Variants in ARL15 observed in about 807,000 individuals in gnomAD.
The protein encoded by ARL15 is ADP-ribosylation factor-like protein 15.
ARL15 carries 19 observed loss-of-function variants against 25.2 expected under a neutral mutation model. The observed-to-expected ratio is 0.75, with a 90% CI of 0.53 to 1.10. The LOEUF is 1.10. Ranked by LOEUF, ARL15 falls within the 50% of genes least tolerant of loss-of-function variation. The probability of loss-of-function intolerance (pLI) is 0.00; values close to 1 mark genes in which losing one functional copy is unlikely to be tolerated. For missense variants in ARL15, 220 were observed against 246.0 expected, an observed-to-expected ratio of 0.89 and a Z score of 0.71; for synonymous variants, 94 against 86.8, an observed-to-expected ratio of 1.08 and a Z score of -0.46.
intron 2 of ARL15, among the ~76,000 whole-genome samples, chr5:54,156,111 A>G (rs934397098): frequency 2.0e-5 from 3 of 152,232 alleles, no homozygotes; most frequent in South Asian, 2.1e-4. Context: ...CTTTATAAAG[A>G]AGGAAATCAT....
At chr5:54,215,311 G>T (rs1428612066) in intron 1 of ARL15, among the ~76,000 whole-genome samples, 2 of 152,014 alleles carry the variant, frequency 1.3e-5, no homozygotes, top group Non-Finnish European at 2.9e-5. Flanking sequence ...ATGACAGGAA[G>T]GCTTTGGTGA....
chr5:54,159,373 T>C (rs1007429558), intron 2 of ARL15, among the ~76,000 whole-genome samples: 6 of 152,156 alleles, frequency 3.9e-5, no homozygotes, highest in Non-Finnish European at 7.4e-5. Context: ...AGGGTGTCAG[T>C]GTGCTAACGT....
At chr5:54,218,619 G>A (rs145820357) in intron 1 of ARL15, among the ~76,000 whole-genome samples, 29 of 152,224 alleles carry the variant, frequency 1.9e-4, no homozygotes, top group African/African-American at 6.3e-4. Context: ...ACCCCTTAGG[G>A]TTTAGTTGGT....
intron 1 of ARL15, among the ~76,000 whole-genome samples, chr5:54,197,136 T>A (rs1389302425): frequency 3.3e-5 from 5 of 152,098 alleles, no homozygotes; most frequent in Admixed American, 3.3e-4. Flanking sequence ...TTTTTTTTAT[T>A]TTTTTACTTG....
At chr5:54,304,720 A>G (rs1758710932) in intron 1 of ARL15, among the ~76,000 whole-genome samples, 1 of 152,238 alleles carries the variant, frequency 6.6e-6, no homozygotes, top group African/African-American at 2.4e-5. Flanking sequence ...AATATTTAAT[A>G]TGACTGCCTA....
intron 2 of ARL15, among the ~76,000 whole-genome samples, chr5:54,163,371 T>G (rs1404742545): frequency 1.2e-5 from 1 of 80,118 alleles, no homozygotes; most frequent in Non-Finnish European, 3.0e-5. Context: ...TTTTTTTTTT[T>G]TTTTTTTTTT....
intron 4 of ARL15, among the ~76,000 whole-genome samples, chr5:54,097,821 C>T (rs1752332323): frequency 1.3e-5 from 2 of 152,166 alleles, no homozygotes; most frequent in Non-Finnish European, 2.9e-5. Flanking sequence ...TCTGATTGTA[C>T]TCTACAGGGA....
At chr5:53,897,087 T>C (rs1398083323) in intron 4 of ARL15, among the ~76,000 whole-genome samples, 1 of 152,228 alleles carries the variant, frequency 6.6e-6, no homozygotes, top group Non-Finnish European at 1.5e-5. Flanking sequence ...CATTTTCTTT[T>C]ACTGATAATT....
chr5:54,168,527 AC>A (rs1754639500), intron 2 of ARL15, among the ~76,000 whole-genome samples: 1 of 151,926 alleles, frequency 6.6e-6, no homozygotes, highest in South Asian at 2.1e-4. Context: ...TAACATCCCC[AC>A]AAGTATTGTC....
rs527289995 is a variant in ARL15, at chr5:53,895,552, T to A, written c.463-8839A>T. ...GGTTTTTGGTGCCCTTGAGGATGGC[T>A]TTTGGTGCACAGCAATACTAGTTAT... On this transcript the variant is annotated intron_variant, in intron 4 of 4. Transcript: ENST00000504924. Among the ~76,000 whole-genome samples the A allele has an allele frequency of 4.7e-3, 723 of 152,266 alleles. 9 individuals carry two copies. The highest frequency in any genetic ancestry group is 0.017 in the African/African-American group (688 of 41,556).
intron 4 of ARL15, among the ~76,000 whole-genome samples, chr5:53,993,803 A>G (rs528290142): frequency 6.6e-6 from 1 of 151,604 alleles, no homozygotes; most frequent in South Asian, 2.1e-4. Flanking sequence ...GGGATTAGGG[A>G]TGGGTGTCTC....
At chr5:53,999,827 G>A (rs1748797004) in intron 4 of ARL15, among the ~76,000 whole-genome samples, 1 of 151,892 alleles carries the variant, frequency 6.6e-6, no homozygotes, top group Non-Finnish European at 1.5e-5. Flanking sequence ...ACCGGGAGGT[G>A]GAGGTTGCAG....
intron 3 of ARL15, among the ~76,000 whole-genome samples, chr5:54,121,765 T>C (rs142194463): frequency 6.6e-6 from 1 of 152,136 alleles, no homozygotes. Context: ...CTAAGTAACA[T>C]GAAAACTCCG....
At chr5:54,014,374 G>C (rs1749343330) in intron 4 of ARL15, among the ~76,000 whole-genome samples, 1 of 150,458 alleles carries the variant, frequency 6.6e-6, no homozygotes, top group Non-Finnish European at 1.5e-5. Context: ...AAGAATGTAA[G>C]GACACCTGAG....
chr5:54,310,333 T>A, intron 1 of ARL15, 99 bp downstream of exon 1: 1 of 1,371,782 alleles, frequency 7.3e-7, no homozygotes, highest in Non-Finnish European at 1.0e-6. Context: ...AGGCATCCTA[T>A]CCCAAAGAAA....
chr5:54,028,290 G>A (rs1749853100), intron 4 of ARL15, among the ~76,000 whole-genome samples: 1 of 152,048 alleles, frequency 6.6e-6, no homozygotes, highest in East Asian at 1.9e-4. Context: ...TTCCATAACT[G>A]CAATCGGTCA....
intron 4 of ARL15, among the ~76,000 whole-genome samples, chr5:54,097,837 C>T (rs534921551): frequency 6.6e-6 from 1 of 152,294 alleles, no homozygotes; most frequent in East Asian, 1.9e-4. Context: ...AGGGAGAGCA[C>T]ACAAAGTGTA....
At chr5:54,045,027 C>T (rs966261967) in intron 4 of ARL15, among the ~76,000 whole-genome samples, 1 of 152,172 alleles carries the variant, frequency 6.6e-6, no homozygotes, top group Non-Finnish European at 1.5e-5. Context: ...AGTTATACCA[C>T]TACTTCTTAG....
At chr5:54,149,050 C>G (rs947665549) in intron 3 of ARL15, among the ~76,000 whole-genome samples, 2 of 152,146 alleles carry the variant, frequency 1.3e-5, no homozygotes, top group Non-Finnish European at 2.9e-5. Flanking sequence ...GCTTTCAACT[C>G]AGCTAAATGC....
Sources: allele counts gnomAD v4.1 joint callset (sites outside exome capture counted in the v4.1 genomes callset), GRCh38; gene constraint gnomAD v4.1.1; transcripts MANE v1.5; gene names NCBI Gene and HGNC (gene_info 2026-07-23, HGNC 2026-07-21).